Variants in PAQR5 observed in about 807,000 individuals in gnomAD.
PAQR5 encodes the protein membrane progestin receptor gamma.
A neutral mutation model predicts 34.5 loss-of-function variants in PAQR5; 20 were observed. The ratio of observed to expected loss-of-function variants is 0.58; its 90% CI spans 0.41 to 0.84. The LOEUF (loss-of-function observed/expected upper bound fraction) is 0.84, where lower values mean the gene tolerates loss of function less well. PAQR5 is among the 40% of genes least tolerant of loss of function. PAQR5 has a pLI of 0.00. For synonymous variants in PAQR5, 131 were observed against 155.6 expected, an observed-to-expected ratio of 0.84 and a Z score of 1.18; for missense variants, 378 against 412.7, an observed-to-expected ratio of 0.92 and a Z score of 0.73.
At chr15:69,354,758 A>G (rs2055011523) in intron 2 of PAQR5, among the ~76,000 whole-genome samples, 1 of 152,120 alleles carries the variant, frequency 6.6e-6, no homozygotes, top group African/African-American at 2.4e-5. Context: ...TCCAGAGGAG[A>G]TCGGGTTGTA....
chr15:69,381,243 C>T (rs1341634386), intron 4 of PAQR5, among the ~76,000 whole-genome samples: 1 of 152,194 alleles, frequency 6.6e-6, no homozygotes, highest in African/African-American at 2.4e-5. Context: ...CTGGAGTGGC[C>T]AGGGGGACCT....
intron 1 of PAQR5, among the ~76,000 whole-genome samples, chr15:69,306,817 T>C (rs1325395727): frequency 6.6e-6 from 1 of 152,216 alleles, no homozygotes; most frequent in African/African-American, 2.4e-5. Context: ...GATGAAACTC[T>C]GTACCCAGTA....
chr15:69,378,036 G>A (rs564082024), intron 3 of PAQR5, among the ~76,000 whole-genome samples: 1 of 151,920 alleles, frequency 6.6e-6, no homozygotes, highest in East Asian at 1.9e-4. Context: ...CCCGAGGTGG[G>A]TGGATCATTT....
At position 69,404,022 on chromosome 15, in the gene PAQR5, A is replaced by G; in HGVS notation, c.*200A>G. 1 of 580,504 alleles carries G rather than the reference A, an allele frequency of 1.7e-6. No homozygotes were observed. Among genetic ancestry groups the G allele is most frequent in the South Asian group, 2.4e-5 (1 of 41,868 alleles). 36.0% of individuals were successfully genotyped at this position (580,504 alleles called of 1,614,324 possible). On this transcript the variant is annotated 3_prime_UTR_variant, in exon 9 of 9. Coordinates refer to ENST00000395407, the MANE Select transcript of PAQR5 (RefSeq NM_017705.4). ...CACTGATTCTGTGTGTGTGATTTTA[A>G]AAGGAGAATATGGTTCAAGCAAGTC... is the stretch of plus-strand genomic sequence containing the variant.
intron 2 of PAQR5, among the ~76,000 whole-genome samples, chr15:69,341,401 G>A (rs1022314266): frequency 7.6e-6 from 1 of 130,728 alleles, no homozygotes; most frequent in African/African-American, 2.9e-5. Context: ...CTGTTGCCCA[G>A]GCTGGAGTGC....
chr15:69,334,410 G>A (rs945443109), intron 1 of PAQR5, among the ~76,000 whole-genome samples: 1 of 152,198 alleles, frequency 6.6e-6, no homozygotes, highest in Non-Finnish European at 1.5e-5. Flanking sequence ...ATAAGGTCAG[G>A]TATCAGATTT....
At position 69,300,577 on chromosome 15, in the gene PAQR5, C is replaced by A. The variant is rs1274573083; in HGVS notation, c.-277+1521C>A. On this transcript the variant is annotated intron_variant, in intron 1 of 8. Coordinates refer to ENST00000395407, the MANE Select transcript of PAQR5 (RefSeq NM_017705.4). ...CGTATGCTTTTCTTTCTTTCTCTTT[C>A]TTTCTTTCTTTCCTTCTTTCTTTCT... Among the ~76,000 whole-genome samples, 4 of 82,734 alleles carry A rather than the reference C, an allele frequency of 4.8e-5. 1 individual carries two copies. The highest frequency in any genetic ancestry group is 1.1e-4 in the Non-Finnish European group (4 of 35,408). 54.3% of individuals were successfully genotyped at this position (82,734 alleles called of 152,430 possible).
intron 2 of PAQR5, among the ~76,000 whole-genome samples, chr15:69,341,743 G>A (rs913776479): frequency 1.3e-5 from 2 of 151,986 alleles, no homozygotes; most frequent in Non-Finnish European, 2.9e-5. Context: ...TCAGGAGTTT[G>A]AGACCAGCCT....
intron 5 of PAQR5, among the ~76,000 whole-genome samples, chr15:69,388,030 G>A (rs553383671): frequency 6.6e-6 from 1 of 152,286 alleles, no homozygotes; most frequent in Admixed American, 6.5e-5. Flanking sequence ...ATAGCCCAGT[G>A]CTTGATGTGG....
At chr15:69,300,700 CTCTCTTTCTTTCTTTCTTTCTT>C (rs1433218710) in intron 1 of PAQR5, among the ~76,000 whole-genome samples, 3 of 6,394 alleles carry the variant, frequency 4.7e-4, no homozygotes, top group Admixed American at 2.5e-3. Flanking sequence ...CCCTCTCTCT[CTCTCTTTCTTTCTTTCTTTCTT>C]TCTTTCTTTC....
At chr15:69,353,992 C>T (rs796400487) in intron 2 of PAQR5, among the ~76,000 whole-genome samples, 10 of 152,250 alleles carry the variant, frequency 6.6e-5, no homozygotes, top group African/African-American at 9.6e-5. Flanking sequence ...CACTCCTACC[C>T]GACAACGGGA....
chr15:69,390,047 A>G lies in PAQR5; in HGVS notation c.512+267A>G, dbSNP rs575897200. On this transcript the variant is annotated intron_variant, in intron 6 of 8. Transcript: ENST00000395407. ...TGTTTTTGTTTTGAGACAAAGTCTC[A>G]CTCTGTCACCCAGGCTGAAGTGTGA... is the stretch of plus-strand genomic sequence containing the variant. 3.9e-5 allele frequency among the ~76,000 whole-genome samples: 6 copies of G among 152,092 alleles called. No homozygotes were observed. In the South Asian group the frequency reaches 1.0e-3, roughly 26 times the overall value.
intron 2 of PAQR5, among the ~76,000 whole-genome samples, chr15:69,338,963 T>C (rs1283900609): frequency 6.6e-6 from 1 of 152,240 alleles, no homozygotes; most frequent in Non-Finnish European, 1.5e-5. Context: ...CTCAAGATTC[T>C]GACCCTCCCT....
intron 1 of PAQR5, among the ~76,000 whole-genome samples, chr15:69,302,751 T>G (rs567720186): frequency 1.4e-4 from 21 of 152,264 alleles, no homozygotes; most frequent in African/African-American, 5.1e-4. Flanking sequence ...AGAGACTGAC[T>G]GGGGCTCAAG....
chr15:69,375,145 C>T (rs1040619317), intron 3 of PAQR5, among the ~76,000 whole-genome samples: 3 of 152,196 alleles, frequency 2.0e-5, no homozygotes, highest in South Asian at 2.1e-4. Flanking sequence ...GTTATTTTCT[C>T]GCAGTTCCGG....
chr15:69,367,024 ATCTCCT>A (rs2055421161), intron 3 of PAQR5, among the ~76,000 whole-genome samples: 1 of 151,544 alleles, frequency 6.6e-6, no homozygotes, highest in Non-Finnish European at 1.5e-5. Context: ...TGTTTGGCTT[ATCTCCT>A]TCCTTTGACT....
chr15:69,307,442 T>C (rs1806100818), intron 1 of PAQR5, among the ~76,000 whole-genome samples: 1 of 152,056 alleles, frequency 6.6e-6, no homozygotes, highest in Admixed American at 6.5e-5. Flanking sequence ...GCGTGGAATC[T>C]CTGGACACCT....
chr15:69,392,761 T>C (rs2056307786), intron 6 of PAQR5, among the ~76,000 whole-genome samples: 1 of 151,990 alleles, frequency 6.6e-6, no homozygotes, highest in Non-Finnish European at 1.5e-5. Flanking sequence ...GAAGTGGCTT[T>C]AGGACTGGAT....
chr15:69,381,385 C>A (rs1326199431), intron 4 of PAQR5, among the ~76,000 whole-genome samples: 1 of 152,206 alleles, frequency 6.6e-6, no homozygotes, highest in Non-Finnish European at 1.5e-5. Context: ...ACTCTGTCAG[C>A]ATCTGCAATC....
Sources: gnomAD v4.1 joint callset for allele counts (sites outside exome capture counted in the v4.1 genomes callset) on GRCh38, gnomAD v4.1.1 for gene constraint, MANE v1.5 for transcripts, NCBI Gene and HGNC (gene_info 2026-07-23, HGNC 2026-07-21) for gene names.